The following PDGFRB variants were observed in gnomAD, a reference collection of about 807,000 sequenced individuals.
PDGFRB encodes platelet derived growth factor receptor beta, also known as platelet-derived growth factor receptor beta.
Under a neutral mutation model 120.2 loss-of-function variants are expected in PDGFRB, and 42 were observed. That is an observed-to-expected ratio of 0.35 (90% CI 0.27 to 0.45). The LOEUF is 0.45. Among genes scored for constraint, PDGFRB ranks in the 20% least tolerant of loss-of-function variants. The pLI is 1.00. For missense variants in PDGFRB, 1,149 were observed against 1,476.3 expected, an observed-to-expected ratio of 0.78 and a Z score of 3.63; for synonymous variants, 586 against 606.8, an observed-to-expected ratio of 0.97 and a Z score of 0.50.
At chr5:150,134,670 T>C in intron 4 of PDGFRB, 80 bp downstream of exon 4, 1 of 1,341,108 alleles carries the variant, frequency 7.5e-7, no homozygotes, top group East Asian at 2.3e-5. Flanking sequence ...AGTCCCACAC[T>C]TTGTAAACTG....
At position 150,114,526 on chromosome 5, in the gene PDGFRB, C is replaced by T. The variant is rs1489089337; in HGVS notation, c.*1237G>A. The T allele has an allele frequency of 2.1e-5, 5 of 233,166 alleles. No homozygotes were observed. Among genetic ancestry groups the T allele is most frequent in the Non-Finnish European group, 4.2e-5 (5 of 117,888 alleles). 14.4% of individuals were successfully genotyped at this position (233,166 alleles called of 1,614,324 possible). On this transcript the variant is annotated 3_prime_UTR_variant, in exon 23 of 23. Coordinates refer to ENST00000261799, the MANE Select transcript of PDGFRB (RefSeq NM_002609.4). ...AAGAGGTCCCGTGGTCTTCCCATGT[C>T]CCTGGGGCAGCTGCTGGGGGCTTTC...
At chr5:150,133,441 G>T in intron 6 of PDGFRB, 145 bp downstream of exon 6, 1 of 718,718 alleles carries the variant, frequency 1.4e-6, no homozygotes. Flanking sequence ...ACTATACCCC[G>T]GGGCTGTGAC....
At chr5:150,124,888 C>G (rs1212055851) in intron 12 of PDGFRB, 57 bp from the exon 13 acceptor site, 1 of 803,082 alleles carries the variant, frequency 1.2e-6, no homozygotes, top group Admixed American at 2.4e-5. Context: ...ACCGCTCCCC[C>G]AGCTGCCCCC....
chr5:150,130,047 G>C, intron 9 of PDGFRB, 79 bp from the exon 10 acceptor site: 1 of 1,125,374 alleles, frequency 8.9e-7, no homozygotes, highest in Non-Finnish European at 1.3e-6. Flanking sequence ...CTGGTGGAAG[G>C]AGGCAGGACG....
intron 21 of PDGFRB, among the ~76,000 whole-genome samples, chr5:150,118,208 A>T (rs1012928222): frequency 1.3e-5 from 2 of 152,130 alleles, no homozygotes; most frequent in Non-Finnish European, 2.9e-5. Flanking sequence ...TCCATCTCCC[A>T]GGTCCCTGGG....
chr5:150,151,496 C>A (rs932757080), intron 1 of PDGFRB, among the ~76,000 whole-genome samples: 1 of 152,232 alleles, frequency 6.6e-6, no homozygotes, highest in Non-Finnish European at 1.5e-5. Context: ...AGGTGCAAAT[C>A]CCAGCTCCGC....
At chr5:150,142,687 TA>T (rs199696429) in intron 1 of PDGFRB, among the ~76,000 whole-genome samples, 7,651 of 152,252 alleles carry the variant, frequency 0.05, 238 homozygotes, top group South Asian at 0.071. Context: ...AAACTTTGGA[TA>T]AAACCAAACC....
intron 1 of PDGFRB, among the ~76,000 whole-genome samples, chr5:150,143,253 G>A (rs538571222): frequency 1.3e-5 from 2 of 152,328 alleles, no homozygotes; most frequent in African/African-American, 4.8e-5. Flanking sequence ...GTTGATCTGG[G>A]GTAACTGAAA....
At chr5:150,148,787 G>A (rs1460334038) in intron 1 of PDGFRB, among the ~76,000 whole-genome samples, 3 of 152,392 alleles carry the variant, frequency 2.0e-5, no homozygotes, top group Admixed American at 1.3e-4. Context: ...ACTCCAGTGG[G>A]GAGAGCGGGT....
chr5:150,149,068 C>T (rs1761003284), intron 1 of PDGFRB, among the ~76,000 whole-genome samples: 1 of 152,190 alleles, frequency 6.6e-6, no homozygotes, highest in Admixed American at 6.5e-5. Flanking sequence ...TTTCTCTGGA[C>T]CACCAACTTT....
intron 1 of PDGFRB, among the ~76,000 whole-genome samples, chr5:150,152,047 C>G (rs1428910207): frequency 1.3e-5 from 2 of 151,926 alleles, no homozygotes; most frequent in African/African-American, 4.8e-5. Context: ...AGCTGGGATA[C>G]AGGTGCGCAC....
chr5:150,122,064 G>A, intron 15 of PDGFRB, 24 bp from the exon 16 acceptor site: 2 of 1,607,612 alleles, frequency 1.2e-6, no homozygotes, highest in Non-Finnish European at 8.5e-7. Context: ...AGCATCACAG[G>A]AGAGCCTGCA....
chr5:150,119,539 A>G lies in PDGFRB; in HGVS notation c.2726T>C (p.Met909Thr). 6.2e-7 allele frequency: 1 copy of G among 1,612,988 alleles called. No homozygotes were observed. Among genetic ancestry groups the G allele is most frequent in the Non-Finnish European group, 8.5e-7 (1 of 1,178,932 alleles). ...LGGTPYPELP[M>T]NEQFYNAIKR... is the part of the protein sequence containing the mutation. The stretch of plus-strand genomic sequence containing the variant: ...GATGGCATTGTAGAACTGCTCGTTC[A>G]TGGGCAGCTCTGGGTAAGGGGTGCC... The change falls in exon 20 of 23, where the codon ATG becomes ACG. Residue 909 changes from methionine to threonine, a missense_variant. Transcript: ENST00000261799.
At position 150,126,683 on chromosome 5, in the gene PDGFRB, C is replaced by T. The variant is rs1387106423; in HGVS notation, c.1580-69G>A. On this transcript the variant is annotated intron_variant, in intron 10 of 22. Transcript: ENST00000261799. ...TACCCTCCCCTCACCCCATCTTTGG[C>T]ATCATAGATCCCTCCGTACACATCC... 2.2e-5 allele frequency: 18 copies of T among 818,224 alleles called. No individual in the cohort carries two copies. The East Asian group carries it at 4.1e-4, about 19-fold the overall frequency. 50.7% of individuals were successfully genotyped at this position (818,224 alleles called of 1,614,324 possible). A position where few individuals can be genotyped will look rare whatever the true frequency, so the allele number is the denominator to read the frequency against.
chr5:150,131,928 G>T, intron 8 of PDGFRB, 51 bp downstream of exon 8: 2 of 961,050 alleles, frequency 2.1e-6, no homozygotes, highest in Non-Finnish European at 3.4e-6. Context: ...GAGAGGGAAC[G>T]GGGGCAGGGA....
Position 150,130,564 on chromosome 5 carries a change from A to T in PDGFRB, c.1342T>A (p.Trp448Arg). Residue 448 changes from tryptophan to arginine, a missense_variant, in exon 9 of 23, where the codon TGG (tryptophan) becomes AGG (arginine). Around this residue, in one of 3 missense-constraint regions of PDGFRB, gnomAD observed 879 missense variants for 1,108.6 expected, o/e 0.79. Coordinates refer to ENST00000261799, the MANE Select transcript of PDGFRB (RefSeq NM_002609.4). Reference protein sequence around the residue: ...GRGMPQPNIIWSACRDLKRCP... With the variant: ...GRGMPQPNIIRSACRDLKRCP... ...CTTTTGAGGTCTCTGCAGGCAGACC[A>T]GATGATGTTCGGCTGGGGCATGCCC... 7 of 1,599,326 alleles carry T rather than the reference A, an allele frequency of 4.4e-6. No homozygotes were observed. The highest frequency in any genetic ancestry group is 6.0e-6 in the Non-Finnish European group (7 of 1,171,122).
At chr5:150,147,102 C>T (rs2113927765) in intron 1 of PDGFRB, among the ~76,000 whole-genome samples, 1 of 152,298 alleles carries the variant, frequency 6.6e-6, no homozygotes, top group South Asian at 2.1e-4. Flanking sequence ...AGGCAATCAG[C>T]CCAGGTGTGT....
intron 1 of PDGFRB, among the ~76,000 whole-genome samples, chr5:150,155,074 C>T (rs1406237867): frequency 6.6e-6 from 1 of 152,076 alleles, no homozygotes; most frequent in African/African-American, 2.4e-5. Flanking sequence ...CCCGCTCTTC[C>T]CAGCTCTCCC....
chr5:150,137,681 C>T (rs1255840272), intron 1 of PDGFRB, among the ~76,000 whole-genome samples: 1 of 152,178 alleles, frequency 6.6e-6, no homozygotes, highest in Non-Finnish European at 1.5e-5. Context: ...CGGCTAGGGG[C>T]TGGGCCCAGG....
Sources: allele counts gnomAD v4.1 joint callset (sites outside exome capture counted in the v4.1 genomes callset), GRCh38; gene constraint gnomAD v4.1.1; regional missense constraint gnomAD v4.1.1; transcripts MANE v1.5; gene names NCBI Gene and HGNC (gene_info 2026-07-23, HGNC 2026-07-21).